The following NIPAL3 variants were observed in gnomAD, a reference collection of about 807,000 sequenced individuals.
NIPAL3 encodes NIPA-like protein 3.
A neutral mutation model predicts 47.2 loss-of-function variants in NIPAL3; 41 were observed. The ratio of observed to expected loss-of-function variants is 0.87; its 90% confidence interval spans 0.68 to 1.13. The LOEUF (loss-of-function observed/expected upper bound fraction) is 1.13. Among genes scored for constraint, NIPAL3 ranks in the 50% most tolerant of loss-of-function variants. NIPAL3 has a pLI of 0.00. For missense variants in NIPAL3, 449 were observed against 530.1 expected (o/e 0.85, Z 1.50); for synonymous variants, 194 against 209.6 (o/e 0.93, Z 0.64).
chr1:24,450,898 G>A (rs533618427), intron 6 of NIPAL3, among the ~76,000 whole-genome samples: 2 of 152,348 alleles, frequency 1.3e-5, no homozygotes, highest in Admixed American at 1.3e-4. Flanking sequence ...AATGGGGGCT[G>A]TGTCATTTCC....
At position 24,453,404 on chromosome 1, in the gene NIPAL3, A is replaced by G; in HGVS notation, c.541-4A>G. On this transcript the variant is annotated splice_region_variant and splice_polypyrimidine_tract_variant and intron_variant, in intron 6 of 11. Transcript: ENST00000374399. ...CTGACCCCCCTGCTTGCTGCCTTCCACAGCTGGTGGAGATCATTCTGTTCT... is the reference window on the plus strand; with the variant it reads ...CTGACCCCCCTGCTTGCTGCCTTCCGCAGCTGGTGGAGATCATTCTGTTCT... 2 of 1,612,018 alleles carry G rather than the reference A, an allele frequency of 1.2e-6. No homozygotes were observed. Among genetic ancestry groups the G allele is most frequent in the Non-Finnish European group, 8.5e-7 (1 of 1,178,722 alleles).
chr1:24,445,045 C>G, intron 4 of NIPAL3, 140 bp from the exon 5 acceptor site: 2 of 583,942 alleles, frequency 3.4e-6, no homozygotes, highest in Non-Finnish European at 6.1e-6. Context: ...CACACAGGAA[C>G]CAAGCTTTTG....
upstream of NIPAL3, chr1:24,415,113 G>A (rs766646344): frequency 6.6e-6 from 1 of 152,196 alleles, no homozygotes; most frequent in African/African-American, 2.4e-5. Flanking sequence ...AAGCAAATGC[G>A]TGTATATGAC....
At chr1:24,439,164 C>T (rs1645263019) in intron 2 of NIPAL3, among the ~76,000 whole-genome samples, 1 of 152,092 alleles carries the variant, frequency 6.6e-6, no homozygotes, top group South Asian at 2.1e-4. Context: ...TGTAACACAC[C>T]TGCCCATTTA....
At chr1:24,433,233 A>G (rs1224906800) in intron 2 of NIPAL3, 3 of 152,254 alleles carry the variant, frequency 2.0e-5, no homozygotes, top group Non-Finnish European at 4.4e-5. Context: ...GCCTGACTCT[A>G]GAACCTAACC....
chr1:24,469,852 C>T lies in NIPAL3; in HGVS notation c.*667C>T, dbSNP rs1013210607. The stretch of plus-strand genomic sequence containing the variant: ...GTCCTGTGAGGACTACTTGTTTGTC[C>T]ACCTCCTCCACCAAAGGAATTAGGA... On this transcript the variant is annotated 3_prime_UTR_variant, in exon 12 of 12. Coordinates refer to ENST00000374399, the MANE Select transcript of NIPAL3 (RefSeq NM_020448.5). The T allele has an allele frequency of 3.9e-5, 6 of 152,266 alleles. No homozygotes were observed. Among genetic ancestry groups the T allele is most frequent in the African/African-American group, 1.4e-4 (6 of 41,524 alleles). 9.4% of individuals were successfully genotyped at this position (152,266 alleles called of 1,614,324 possible). A position where few individuals can be genotyped will look rare whatever the true frequency, so the allele number is the denominator to read the frequency against.
chr1:24,463,431 T>G (rs552759098), intron 10 of NIPAL3, among the ~76,000 whole-genome samples: 1 of 152,280 alleles, frequency 6.6e-6, no homozygotes, highest in South Asian at 2.1e-4. Context: ...CTTGAACTGG[T>G]TGATGATTCC....
chr1:24,440,732 G>GC (rs1010845608), intron 3 of NIPAL3, among the ~76,000 whole-genome samples: 12 of 152,328 alleles, frequency 7.9e-5, no homozygotes, highest in African/African-American at 2.9e-4. Flanking sequence ...GCACCAAGGA[G>GC]CTGGTGTTAC....
intron 7 of NIPAL3, among the ~76,000 whole-genome samples, chr1:24,455,436 A>G (rs1194317009): frequency 6.6e-6 from 1 of 152,262 alleles, no homozygotes; most frequent in African/African-American, 2.4e-5. Flanking sequence ...ACATGACTTT[A>G]ATTTGAAAAC....
chr1:24,415,712 G>T (rs1168440755), upstream of NIPAL3: 6 of 395,228 alleles, frequency 1.5e-5, no homozygotes, highest in African/African-American at 2.2e-5. Context: ...TTGCCTGCGC[G>T]AAATGCCTGC....
At chr1:24,438,311 GGT>G (rs1645217320) in intron 2 of NIPAL3, among the ~76,000 whole-genome samples, 1 of 152,196 alleles carries the variant, frequency 6.6e-6, no homozygotes, top group Non-Finnish European at 1.5e-5. Flanking sequence ...ACACATCTCA[GGT>G]GTGGTGAGGT....
intron 4 of NIPAL3, among the ~76,000 whole-genome samples, chr1:24,444,015 A>AT (rs1215113434): frequency 2.2e-5 from 2 of 91,604 alleles, no homozygotes; most frequent in East Asian, 7.8e-4. Context: ...AAATAACCAA[A>AT]TTCTTTTTTT....
chr1:24,453,353 G>A (rs1049153325), intron 6 of NIPAL3, 55 bp from the exon 7 acceptor site: 59 of 1,301,378 alleles, frequency 4.5e-5, no homozygotes, highest in Non-Finnish European at 5.7e-5. Flanking sequence ...AGGGTCTCCC[G>A]GTCTCGCCTA....
In NIPAL3 at chr1:24,449,256, T is replaced by G. The variant is rs1170147723; in HGVS notation, c.395-225T>G. On this transcript the variant is annotated intron_variant, in intron 5 of 11. Coordinates refer to ENST00000374399, the MANE Select transcript of NIPAL3 (RefSeq NM_020448.5). The surrounding 1 kb of genome is among the most constrained non-coding windows in gnomAD (Gnocchi z 4.5). ...GAGAATTCCTCAAGCACTTTTTGTATGCATGTTATACTTCATTAAAGTTTT... is the reference window on the plus strand; with the variant it reads ...GAGAATTCCTCAAGCACTTTTTGTAGGCATGTTATACTTCATTAAAGTTTT... Among the ~76,000 whole-genome samples, 1 of 152,260 alleles carries G rather than the reference T, an allele frequency of 6.6e-6. No individual in the cohort carries two copies. Among genetic ancestry groups the G allele is most frequent in the Admixed American group, 6.5e-5 (1 of 15,286 alleles).
In NIPAL3 at chr1:24,451,436, C is replaced by G. The variant is rs1161750602; in HGVS notation, c.540+1810C>G. On this transcript the variant is annotated intron_variant, in intron 6 of 11. Coordinates refer to ENST00000374399, the MANE Select transcript of NIPAL3 (RefSeq NM_020448.5). The surrounding 1 kb of genome is among the most constrained non-coding windows in gnomAD (Gnocchi z 4.5). ...ACGGGCCACATGTGGTGGCTCACAC[C>G]TATAATCTCAGCACTTTGGGAGGCC... is the stretch of plus-strand genomic sequence containing the variant. 2.0e-5 allele frequency among the ~76,000 whole-genome samples: 3 copies of G among 152,198 alleles called. No individual in the cohort carries two copies. The highest frequency in any genetic ancestry group is 7.2e-5 in the African/African-American group (3 of 41,522).
At position 24,419,612 on chromosome 1, in the gene NIPAL3, C is replaced by T; in HGVS notation, c.65C>T (p.Ala22Val). 6.2e-7 allele frequency: 1 copy of T among 1,614,090 alleles called. No homozygotes were observed. Among genetic ancestry groups the T allele is most frequent in the Non-Finnish European group, 8.5e-7 (1 of 1,179,984 alleles). The change falls in exon 2 of 12, where the codon GCC becomes GTC. Residue 22 changes from alanine to valine, a missense_variant. Coordinates refer to ENST00000374399, the MANE Select transcript of NIPAL3 (RefSeq NM_020448.5). ...QQLPPTSSSS[A>V]VSEASFSYKE... ...CTGCCTCCCACAAGTAGCTCCAGCGCCGTAAGCGAGGCCTCCTTCTCCTAC... is the reference window on the plus strand; with the variant it reads ...CTGCCTCCCACAAGTAGCTCCAGCGTCGTAAGCGAGGCCTCCTTCTCCTAC...
At chr1:24,465,784 C>G (rs912926513) in intron 11 of NIPAL3, 4 of 465,010 alleles carry the variant, frequency 8.6e-6, no homozygotes. Flanking sequence ...GTGTAAAGGC[C>G]TCTTGCACGG....
chr1:24,438,182 C>T (rs1398743885), intron 2 of NIPAL3, among the ~76,000 whole-genome samples: 1 of 152,196 alleles, frequency 6.6e-6, no homozygotes, highest in Non-Finnish European at 1.5e-5. Flanking sequence ...CCTTTTAGCT[C>T]TGAGATCCTG....
intron 2 of NIPAL3, among the ~76,000 whole-genome samples, chr1:24,438,348 G>A (rs1284382411): frequency 6.6e-6 from 1 of 151,758 alleles, no homozygotes; most frequent in East Asian, 1.9e-4. Context: ...GACTAGACTG[G>A]GGTCCCCTGG....
Sources: gnomAD v4.1 joint callset for allele counts (sites outside exome capture counted in the v4.1 genomes callset) on GRCh38, gnomAD v4.1.1 for gene constraint, Gnocchi (gnomAD v3.1) non-coding constraint, MANE v1.5 for transcripts, NCBI Gene and HGNC (gene_info 2026-07-23, HGNC 2026-07-21) for gene names.